Variants in UNC5D observed in about 807,000 individuals in gnomAD.
UNC5D encodes the protein netrin receptor UNC5D.
Under a neutral mutation model 105.4 loss-of-function variants are expected in UNC5D, and 39 were observed. The ratio of observed to expected loss-of-function variants is 0.37; its 90% CI spans 0.29 to 0.48. UNC5D has a LOEUF of 0.48. Ranked by LOEUF, UNC5D falls within the 20% of genes least tolerant of loss-of-function variation. The probability of loss-of-function intolerance (pLI) is 0.98; values close to 1 mark genes in which losing one functional copy is unlikely to be tolerated. For missense variants in UNC5D, 991 were observed against 1,202.4 expected, an observed-to-expected ratio of 0.82 and a Z score of 2.60; for synonymous variants, 452 against 450.4, an observed-to-expected ratio of 1.00 and a Z score of -0.04.
At chr8:35,708,223 G>A (rs188247225) in intron 8 of UNC5D, among the ~76,000 whole-genome samples, 106 of 152,288 alleles carry the variant, frequency 7.0e-4, no homozygotes, top group African/African-American at 2.4e-3. Flanking sequence ...GCAGAGGCAC[G>A]AGCTTAGAGT....
intron 1 of UNC5D, among the ~76,000 whole-genome samples, chr8:35,275,959 G>A (rs1805747282): frequency 6.6e-6 from 1 of 152,160 alleles, no homozygotes; most frequent in Non-Finnish European, 1.5e-5. Flanking sequence ...ATATGTCCAT[G>A]TACTGAGTCC....
At chr8:35,241,291 T>C (rs970491996) in intron 1 of UNC5D, among the ~76,000 whole-genome samples, 4 of 152,236 alleles carry the variant, frequency 2.6e-5, no homozygotes, top group African/African-American at 9.6e-5. Flanking sequence ...TGTGCGTAGA[T>C]AATTTTCAGA....
At chr8:35,302,660 A>T (rs1325587055) in intron 1 of UNC5D, among the ~76,000 whole-genome samples, 1 of 152,218 alleles carries the variant, frequency 6.6e-6, no homozygotes, top group Non-Finnish European at 1.5e-5. Flanking sequence ...TGGAGAACAC[A>T]TTAAAGCATT....
At chr8:35,740,013 C>T (rs538917852) in intron 11 of UNC5D, among the ~76,000 whole-genome samples, 19 of 152,270 alleles carry the variant, frequency 1.2e-4, no homozygotes, top group African/African-American at 4.1e-4. Context: ...CTGCAAATTA[C>T]GGTGGGTGTT....
chr8:35,473,175 A>G (rs1809858340), intron 1 of UNC5D, among the ~76,000 whole-genome samples: 1 of 152,104 alleles, frequency 6.6e-6, no homozygotes, highest in Non-Finnish European at 1.5e-5. Context: ...AATGCAGGAG[A>G]AATGAGAGAT....
At chr8:35,668,421 A>G (rs997675088) in intron 4 of UNC5D, among the ~76,000 whole-genome samples, 3 of 152,196 alleles carry the variant, frequency 2.0e-5, no homozygotes. Flanking sequence ...CATTTTTTAA[A>G]CTTTTTTTCC....
At chr8:35,446,710 G>C (rs1389933693) in intron 1 of UNC5D, among the ~76,000 whole-genome samples, 3 of 152,064 alleles carry the variant, frequency 2.0e-5, no homozygotes, top group Admixed American at 1.3e-4. Flanking sequence ...TGGAGCATCA[G>C]TTAATTGCCC....
intron 1 of UNC5D, among the ~76,000 whole-genome samples, chr8:35,267,850 A>G (rs941124193): frequency 6.6e-6 from 1 of 152,164 alleles, no homozygotes; most frequent in Non-Finnish European, 1.5e-5. Context: ...AGAAAGGAAA[A>G]TTGTTCCAGG....
intron 1 of UNC5D, among the ~76,000 whole-genome samples, chr8:35,487,843 T>C (rs140667670): frequency 1.9e-4 from 29 of 152,282 alleles, no homozygotes; most frequent in African/African-American, 5.8e-4. Context: ...AGGAACATCA[T>C]AGTGGACGTG....
intron 1 of UNC5D, among the ~76,000 whole-genome samples, chr8:35,406,681 C>T (rs954769035): frequency 1.7e-4 from 26 of 152,136 alleles, no homozygotes; most frequent in African/African-American, 5.8e-4. Flanking sequence ...CTTTTAAGGG[C>T]TTCCCTGGGG....
intron 1 of UNC5D, among the ~76,000 whole-genome samples, chr8:35,364,234 A>G (rs763651745): frequency 1.4e-5 from 2 of 145,984 alleles, no homozygotes; most frequent in Admixed American, 7.1e-5. Context: ...TTGGTACTCT[A>G]TGGTAAAGAC....
chr8:35,737,252 C>CTG (rs369792188), intron 11 of UNC5D, among the ~76,000 whole-genome samples: 14,800 of 119,744 alleles, frequency 0.12, 812 homozygotes, highest in Non-Finnish European at 0.14. Context: ...AAGATCTGCT[C>CTG]TGTGTGTGTG....
intron 9 of UNC5D, among the ~76,000 whole-genome samples, chr8:35,723,593 A>T (rs1427873729): frequency 2.0e-5 from 3 of 151,872 alleles, no homozygotes; most frequent in Non-Finnish European, 4.4e-5. Flanking sequence ...TTTTATAGAG[A>T]CAGGGTCTCA....
intron 4 of UNC5D, among the ~76,000 whole-genome samples, chr8:35,646,740 A>C (rs1423279520): frequency 6.6e-6 from 1 of 152,106 alleles, no homozygotes; most frequent in Non-Finnish European, 1.5e-5. Context: ...GATGATTATT[A>C]TTTGTCTTTA....
intron 1 of UNC5D, among the ~76,000 whole-genome samples, chr8:35,398,510 C>G (rs2128947768): frequency 6.6e-6 from 1 of 151,844 alleles, no homozygotes; most frequent in African/African-American, 2.4e-5. Flanking sequence ...TAGATACTAA[C>G]AGTGCTTCTA....
At chr8:35,595,293 T>C (rs1057108583) in intron 3 of UNC5D, among the ~76,000 whole-genome samples, 2 of 152,204 alleles carry the variant, frequency 1.3e-5, no homozygotes, top group African/African-American at 2.4e-5. Context: ...CTGTGTTTTT[T>C]TTTCCTACTC....
intron 1 of UNC5D, among the ~76,000 whole-genome samples, chr8:35,516,716 A>G (rs1463857644): frequency 6.6e-6 from 1 of 152,142 alleles, no homozygotes; most frequent in East Asian, 1.9e-4. Flanking sequence ...TCCTTCCTGT[A>G]TCCAGCACAA....
intron 1 of UNC5D, among the ~76,000 whole-genome samples, chr8:35,331,703 A>G (rs932829594): frequency 2.6e-5 from 4 of 152,148 alleles, no homozygotes; most frequent in Non-Finnish European, 5.9e-5. Context: ...GATTTGAAGG[A>G]GAATTGAACA....
intron 13 of UNC5D, among the ~76,000 whole-genome samples, chr8:35,754,641 C>T (rs1339110786): frequency 1.3e-5 from 2 of 152,060 alleles, no homozygotes; most frequent in Non-Finnish European, 2.9e-5. Context: ...TATAATGGGC[C>T]CACCATAGAA....
Sources: allele counts gnomAD v4.1 joint callset (sites outside exome capture counted in the v4.1 genomes callset), GRCh38; gene constraint gnomAD v4.1.1; transcripts MANE v1.5; gene names NCBI Gene and HGNC (gene_info 2026-07-23, HGNC 2026-07-21).